Variants in ERBB4 observed in about 807,000 individuals in gnomAD.
ERBB4 encodes receptor tyrosine-protein kinase erbB-4.
Under a neutral mutation model 158.0 loss-of-function variants are expected in ERBB4, and 42 were observed. The observed-to-expected ratio is 0.27, with a 90% CI of 0.21 to 0.34. The LOEUF (loss-of-function observed/expected upper bound fraction) is 0.34, where lower values mean the gene tolerates loss of function less well. ERBB4 is among the 10% of genes least tolerant of loss of function. The pLI, the probability that ERBB4 is intolerant of heterozygous loss-of-function variation, is 1.00. For synonymous variants in ERBB4, 583 were observed against 558.7 expected, an observed-to-expected ratio of 1.04 and a Z score of -0.61; for missense variants, 1,333 against 1,624.1, an observed-to-expected ratio of 0.82 and a Z score of 3.08.
At chr2:212,261,906 A>T (rs2084960243) in intron 1 of ERBB4, among the ~76,000 whole-genome samples, 1 of 152,102 alleles carries the variant, frequency 6.6e-6, no homozygotes, top group Non-Finnish European at 1.5e-5. Context: ...ACCTCTTTAT[A>T]AAAAATATAA....
chr2:212,255,764 C>G (rs752819255), intron 1 of ERBB4, among the ~76,000 whole-genome samples: 3 of 152,030 alleles, frequency 2.0e-5, no homozygotes, highest in Non-Finnish European at 4.4e-5. Context: ...GATGCTAAAC[C>G]TGAATTTAAA....
intron 1 of ERBB4, among the ~76,000 whole-genome samples, chr2:212,441,715 T>A (rs1053941069): frequency 1.3e-5 from 2 of 152,152 alleles, no homozygotes; most frequent in Admixed American, 1.3e-4. Context: ...TTCTAATAGT[T>A]TATTTGCTTG....
Position 212,238,478 on chromosome 2 carries a change from G to A in ERBB4, c.83-113575C>T, listed in dbSNP as rs542966768. ...GAAATGCAGAAACCACCTGCCTTCT[G>A]TGTTGATCTCGCTGGAAGCTGCAGA... is the stretch of plus-strand genomic sequence containing the variant. On this transcript the variant is annotated intron_variant, in intron 1 of 27. Coordinates refer to ENST00000342788, the MANE Select transcript of ERBB4 (RefSeq NM_005235.3). Among the ~76,000 whole-genome samples, 104 of 152,268 alleles carry A rather than the reference G, an allele frequency of 6.8e-4. 1 individual carries two copies. The Middle Eastern group carries it at 0.01, about 15-fold the overall frequency.
At chr2:212,460,904 A>G (rs1384860638) in intron 1 of ERBB4, among the ~76,000 whole-genome samples, 1 of 152,208 alleles carries the variant, frequency 6.6e-6, no homozygotes, top group African/African-American at 2.4e-5. Flanking sequence ...CCAGAGGCCT[A>G]AGAGGAAAAA....
intron 1 of ERBB4, among the ~76,000 whole-genome samples, chr2:212,144,158 T>C (rs934188439): frequency 2.2e-4 from 33 of 152,198 alleles, no homozygotes; most frequent in African/African-American, 7.7e-4. Context: ...GGATGCATGC[T>C]AACTTTTTTT....
At chr2:212,172,320 TG>T (rs1200018693) in intron 1 of ERBB4, among the ~76,000 whole-genome samples, 2 of 152,032 alleles carry the variant, frequency 1.3e-5, no homozygotes, top group African/African-American at 4.8e-5. Context: ...TTGGTAGAAG[TG>T]TAAATTAGTT....
intron 1 of ERBB4, among the ~76,000 whole-genome samples, chr2:212,184,227 G>A (rs80030819): frequency 1.3e-5 from 2 of 151,912 alleles, no homozygotes; most frequent in African/African-American, 4.8e-5. Context: ...CTTAAATCTC[G>A]ATCCTTCCCT....
At chr2:211,992,567 GAAAA>G (rs780595071) in intron 2 of ERBB4, among the ~76,000 whole-genome samples, 28 of 125,228 alleles carry the variant, frequency 2.2e-4, no homozygotes, top group African/African-American at 5.5e-4. Context: ...GAGAGAGAGA[GAAAA>G]AAAAAAAAAA....
At chr2:212,506,573 G>A (rs540898545) in intron 1 of ERBB4, among the ~76,000 whole-genome samples, 6 of 151,076 alleles carry the variant, frequency 4.0e-5, no homozygotes, top group Admixed American at 1.3e-4. Context: ...CTCATATGGA[G>A]AAAAGTTTTA....
At chr2:212,309,604 G>T (rs902777104) in intron 1 of ERBB4, among the ~76,000 whole-genome samples, 1 of 150,614 alleles carries the variant, frequency 6.6e-6, no homozygotes, top group Non-Finnish European at 1.5e-5. Context: ...AAGCAAATAA[G>T]TACTCTTTAA....
chr2:211,434,759 A>C (rs759774464), intron 20 of ERBB4, among the ~76,000 whole-genome samples: 1 of 152,222 alleles, frequency 6.6e-6, no homozygotes, highest in East Asian at 1.9e-4. Flanking sequence ...ACTAGGTGAC[A>C]GTCTCTAGAC....
chr2:212,361,576 T>C (rs977424226), intron 1 of ERBB4, among the ~76,000 whole-genome samples: 2 of 151,706 alleles, frequency 1.3e-5, no homozygotes, highest in Non-Finnish European at 3.0e-5. Flanking sequence ...AGACTTTCTA[T>C]AGTAGAAGAC....
At chr2:211,678,296 CAAACA>C (rs1559408981) in intron 13 of ERBB4, among the ~76,000 whole-genome samples, 2 of 3,842 alleles carry the variant, frequency 5.2e-4, no homozygotes, top group East Asian at 0.01. Context: ...AAAAAACAAA[CAAACA>C]AAAAAAAACA....
chr2:211,539,708 C>T (rs2066747503), intron 20 of ERBB4, among the ~76,000 whole-genome samples: 1 of 151,940 alleles, frequency 6.6e-6, no homozygotes, highest in Admixed American at 6.6e-5. Context: ...CAATGCCATA[C>T]TATACAAGCC....
At chr2:212,078,365 T>G (rs939997566) in intron 2 of ERBB4, among the ~76,000 whole-genome samples, 4 of 151,960 alleles carry the variant, frequency 2.6e-5, no homozygotes, top group Non-Finnish European at 4.4e-5. Context: ...TTTGTTGTTG[T>G]GCACTATCTT....
intron 5 of ERBB4, among the ~76,000 whole-genome samples, chr2:211,738,188 T>TATC (rs1193775631): frequency 6.6e-6 from 1 of 152,098 alleles, no homozygotes; most frequent in East Asian, 1.9e-4. Flanking sequence ...TACTAGGAGT[T>TATC]ATCTGAATAT....
At chr2:212,056,811 C>A (rs552730560) in intron 2 of ERBB4, among the ~76,000 whole-genome samples, 1 of 152,146 alleles carries the variant, frequency 6.6e-6, no homozygotes, top group Non-Finnish European at 1.5e-5. Context: ...CTGGTATCAG[C>A]CACTGCAAAA....
intron 1 of ERBB4, among the ~76,000 whole-genome samples, chr2:212,368,402 AC>A (rs2089966739): frequency 6.6e-6 from 1 of 152,144 alleles, no homozygotes; most frequent in African/African-American, 2.4e-5. Flanking sequence ...TAAGAATGAC[AC>A]AGTGGACTTT....
At chr2:212,046,021 A>G (rs1283706232) in intron 2 of ERBB4, among the ~76,000 whole-genome samples, 1 of 152,220 alleles carries the variant, frequency 6.6e-6, no homozygotes, top group Non-Finnish European at 1.5e-5. Flanking sequence ...CATTCAAGCT[A>G]TCACAATTCT....
Sources: allele counts gnomAD v4.1 joint callset (sites outside exome capture counted in the v4.1 genomes callset), GRCh38; gene constraint gnomAD v4.1.1; transcripts MANE v1.5; gene names NCBI Gene and HGNC (gene_info 2026-07-23, HGNC 2026-07-21).